Variants in DISP1 observed in about 807,000 individuals in gnomAD.
The protein encoded by DISP1 is protein dispatched homolog 1.
In DISP1, 30 loss-of-function variants were observed where a neutral mutation model predicts 37.3. That is an observed-to-expected ratio of 0.80 (90% CI 0.60 to 1.09). DISP1 has a LOEUF of 1.09. DISP1 is among the 50% of genes least tolerant of loss of function. The probability of loss-of-function intolerance (pLI) is 0.00; values close to 1 mark genes in which losing one functional copy is unlikely to be tolerated. For synonymous variants in DISP1, 634 were observed against 690.2 expected (o/e 0.92, Z 1.28); for missense variants, 1,598 against 1,879.5 (o/e 0.85, Z 2.77).
intron 2 of DISP1, among the ~76,000 whole-genome samples, 170 bp from the exon 3 acceptor site, chr1:222,942,637 G>A (rs1674466997): frequency 6.6e-6 from 1 of 151,914 alleles, no homozygotes; most frequent in Admixed American, 6.6e-5. Flanking sequence ...GAAGAGGAGT[G>A]CCACTGTGTT....
chr1:222,889,448 A>G (rs1670821358), intron 1 of DISP1, among the ~76,000 whole-genome samples: 1 of 152,112 alleles, frequency 6.6e-6, no homozygotes, highest in Non-Finnish European at 1.5e-5. Context: ...ATTAAAGATG[A>G]GAGAATGCAA....
At chr1:222,987,465 G>A (rs897722525) in intron 4 of DISP1, among the ~76,000 whole-genome samples, 2 of 152,164 alleles carry the variant, frequency 1.3e-5, no homozygotes, top group African/African-American at 2.4e-5. Flanking sequence ...AATATAGTGA[G>A]GTTAAACGTG....
At position 223,002,038 on chromosome 1, in the gene DISP1, G is replaced by A. The variant is rs1890616; in HGVS notation, c.988-347G>A. On this transcript the variant is annotated intron_variant, in intron 8 of 8. Transcript: ENST00000675850. ...AGCTTCACAACCTGTCCATTTTATT[G>A]CTTTTTAAAGTGGCTTTGAAAAGGC... Among the ~76,000 whole-genome samples, 3,372 of 152,154 alleles carry A rather than the reference G, an allele frequency of 0.022. 124 individuals carry two copies. The highest frequency in any genetic ancestry group is 0.077 in the African/African-American group (3,195 of 41,496).
chr1:223,001,780 T>C (rs955471540), intron 8 of DISP1, among the ~76,000 whole-genome samples: 12 of 152,270 alleles, frequency 7.9e-5, no homozygotes, highest in African/African-American at 2.9e-4. Flanking sequence ...TCACACCCCC[T>C]AACACTAACA....
intron 3 of DISP1, among the ~76,000 whole-genome samples, chr1:222,975,214 A>C (rs1030429426): frequency 2.6e-5 from 4 of 151,736 alleles, no homozygotes; most frequent in Non-Finnish European, 5.9e-5. Flanking sequence ...TTATAGAGAT[A>C]GGGGCTCACT....
chr1:222,826,874 C>T (rs1489560442), intron 1 of DISP1, among the ~76,000 whole-genome samples: 7 of 152,204 alleles, frequency 4.6e-5, no homozygotes, highest in Non-Finnish European at 1.0e-4. Context: ...TAGCTCTTAA[C>T]TCCTTTACTA....
intron 3 of DISP1, among the ~76,000 whole-genome samples, chr1:222,961,960 C>T (rs543059984): frequency 4.6e-5 from 7 of 151,974 alleles, no homozygotes; most frequent in African/African-American, 1.7e-4. Context: ...GAGCTGAGAT[C>T]ACGCCACTGC....
chr1:222,893,737 G>T lies in DISP1; in HGVS notation c.-158-34693G>T, dbSNP rs1347743742. Among the ~76,000 whole-genome samples the T allele has an allele frequency of 6.6e-6, 1 of 152,190 alleles. No homozygotes were observed. Among genetic ancestry groups the T allele is most frequent in the Non-Finnish European group, 1.5e-5 (1 of 68,038 alleles). On this transcript the variant is annotated intron_variant, in intron 1 of 8. Transcript: ENST00000675850. The surrounding 1 kb of genome is among the most constrained non-coding windows in gnomAD (Gnocchi z 4.3). ...CCCCAAAGAGAGTGTCACAACCCTG[G>T]CTCCGGGAGCTCCTAGATGTGGGCT...
intron 1 of DISP1, among the ~76,000 whole-genome samples, chr1:222,876,549 A>T (rs1181723252): frequency 2.6e-5 from 4 of 152,230 alleles, no homozygotes; most frequent in Non-Finnish European, 5.9e-5. Context: ...AATAAATTTT[A>T]ATGTCTTTAT....
Position 222,862,541 on chromosome 1 carries a change from T to C in DISP1, c.-159+47463T>C, listed in dbSNP as rs1301994516. Among the ~76,000 whole-genome samples, 4 of 145,278 alleles carry C rather than the reference T, an allele frequency of 2.8e-5. No homozygotes were observed. In the East Asian group the frequency reaches 7.8e-4, roughly 28 times the overall value. ...GTCTCAATAGTTTTTTTTTTTTTTTTTGAGACAGGACTTTACTCTGTTGCC... is the reference window on the plus strand; with the variant it reads ...GTCTCAATAGTTTTTTTTTTTTTTTCTGAGACAGGACTTTACTCTGTTGCC... On this transcript the variant is annotated intron_variant, in intron 1 of 8. Transcript: ENST00000675850.
At chr1:222,967,626 T>C (rs1676599637) in intron 3 of DISP1, among the ~76,000 whole-genome samples, 1 of 152,164 alleles carries the variant, frequency 6.6e-6, no homozygotes, top group Non-Finnish European at 1.5e-5. Flanking sequence ...AGCCCTTGGA[T>C]TCTACATATA....
intron 3 of DISP1, among the ~76,000 whole-genome samples, chr1:222,982,003 C>T (rs1677871628): frequency 1.3e-5 from 2 of 152,104 alleles, no homozygotes; most frequent in African/African-American, 2.4e-5. Context: ...GGAATCGAAA[C>T]TGACAAATAT....
At chr1:222,991,905 T>A in intron 6 of DISP1, 108 bp from the exon 7 acceptor site, 1 of 921,498 alleles carries the variant, frequency 1.1e-6, no homozygotes, top group Non-Finnish European at 1.8e-6. Flanking sequence ...CAACTTAATA[T>A]CAAGGACTAA....
In DISP1 at chr1:222,980,775, A is replaced by T. The variant is rs186897991; in HGVS notation, c.510-2305A>T. 2.0e-5 allele frequency among the ~76,000 whole-genome samples: 3 copies of T among 152,276 alleles called. No homozygotes were observed. In the East Asian group the frequency reaches 5.8e-4, roughly 29 times the overall value. ...TATAATGCTGTAAATATTCAGGCTC[A>T]CCTTTTTTCTTAAAGCAACAAGTTC... On this transcript the variant is annotated intron_variant, in intron 3 of 8. Coordinates refer to ENST00000675850, the MANE Select transcript of DISP1 (RefSeq NM_001377229.1).
At chr1:223,000,279 G>A (rs541198290) in intron 8 of DISP1, among the ~76,000 whole-genome samples, 1 of 152,260 alleles carries the variant, frequency 6.6e-6, no homozygotes, top group East Asian at 1.9e-4. Context: ...TGGTTTGTAT[G>A]TTACGTCTTT....
chr1:222,894,525 A>T (rs1390981693), intron 1 of DISP1, among the ~76,000 whole-genome samples: 1 of 152,194 alleles, frequency 6.6e-6, no homozygotes, highest in African/African-American at 2.4e-5. Flanking sequence ...TTTGCTCCCA[A>T]ATCAGAGCGA....
At chr1:222,970,518 C>G (rs1188106576) in intron 3 of DISP1, among the ~76,000 whole-genome samples, 1 of 152,114 alleles carries the variant, frequency 6.6e-6, no homozygotes, top group African/African-American at 2.4e-5. Context: ...GAACCTGGCT[C>G]ACTAGCTTTA....
At chr1:222,833,684 T>C (rs1666324041) in intron 1 of DISP1, among the ~76,000 whole-genome samples, 1 of 152,194 alleles carries the variant, frequency 6.6e-6, no homozygotes, top group Admixed American at 6.5e-5. Context: ...AGTTATGAGG[T>C]GTTCATTTCA....
intron 3 of DISP1, chr1:222,945,620 A>G (rs1218325284): frequency 6.8e-6 from 1 of 146,080 alleles, no homozygotes; most frequent in Non-Finnish European, 1.5e-5. Context: ...CCCTGTGTAC[A>G]CTTGAAATAG....
Sources: gnomAD v4.1 joint callset for allele counts (sites outside exome capture counted in the v4.1 genomes callset) on GRCh38, gnomAD v4.1.1 for gene constraint, Gnocchi (gnomAD v3.1) non-coding constraint, MANE v1.5 for transcripts, NCBI Gene and HGNC (gene_info 2026-07-23, HGNC 2026-07-21) for gene names.